The following AFG1L variants were observed in gnomAD, a reference collection of about 807,000 sequenced individuals.
AFG1L encodes the protein AFG1 like ATPase.
AFG1L carries 53 observed loss-of-function variants against 62.2 expected under a neutral mutation model. The observed-to-expected ratio is 0.85, with a 90% CI of 0.68 to 1.07. AFG1L has a LOEUF of 1.07. Ranked by LOEUF, AFG1L falls within the 50% of genes least tolerant of loss-of-function variation. The probability of loss-of-function intolerance (pLI) is 0.00; values close to 1 mark genes in which losing one functional copy is unlikely to be tolerated. For synonymous variants in AFG1L, 228 were observed against 210.3 expected, an observed-to-expected ratio of 1.08 and a Z score of -0.73; for missense variants, 555 against 590.5, an observed-to-expected ratio of 0.94 and a Z score of 0.62.
intron 8 of AFG1L, among the ~76,000 whole-genome samples, chr6:108,463,044 T>C (rs545200880): frequency 1.3e-5 from 2 of 152,204 alleles, no homozygotes; most frequent in Non-Finnish European, 2.9e-5. Context: ...AATCCAGCAC[T>C]GTGGGAGGCT....
At chr6:108,368,917 C>A (rs1034421751) in intron 6 of AFG1L, among the ~76,000 whole-genome samples, 17 of 152,078 alleles carry the variant, frequency 1.1e-4, no homozygotes, top group African/African-American at 4.1e-4. Context: ...CTGGAGCCAC[C>A]CTTCTGGAGA....
chr6:108,374,607 T>C (rs141724878), intron 6 of AFG1L, among the ~76,000 whole-genome samples: 96 of 152,350 alleles, frequency 6.3e-4, no homozygotes, highest in African/African-American at 2.3e-3. Flanking sequence ...CCATTGCTTA[T>C]TTTTGTCAAC....
intron 6 of AFG1L, among the ~76,000 whole-genome samples, chr6:108,390,125 T>G (rs1289208313): frequency 6.7e-6 from 1 of 150,284 alleles, no homozygotes; most frequent in Middle Eastern, 3.2e-3. Flanking sequence ...CATTTCAGCT[T>G]CATCACTGAT....
At position 108,295,173 on chromosome 6, in the gene AFG1L, G is replaced by T. The variant is rs1306063608; in HGVS notation, c.94G>T (p.Ala32Ser). ...TGTTGGGTGCGGGGCCTGGGCCGCC[G>T]CTCTCGCTCCTCTGGCCACCGCCCC... Reference protein sequence around the residue: ...RCVGCGAWAAALAPLATAPGK... With the variant: ...RCVGCGAWAASLAPLATAPGK... Residue 32 changes from alanine (A) to serine (S), a missense_variant, in exon 1 of 13, where the codon GCT (alanine) becomes TCT (serine). Physicochemically the swap from Ala to Ser is moderately conservative, Grantham distance 99 (BLOSUM62 1). Coordinates refer to ENST00000368977, the MANE Select transcript of AFG1L (RefSeq NM_145315.5). 3.7e-6 allele frequency: 6 copies of T among 1,607,682 alleles called. No homozygotes were observed. Among genetic ancestry groups the T allele is most frequent in the Non-Finnish European group, 8.5e-7 (1 of 1,179,812 alleles).
chr6:108,460,430 T>C (rs903405332), intron 8 of AFG1L, among the ~76,000 whole-genome samples: 1 of 152,204 alleles, frequency 6.6e-6, no homozygotes, highest in African/African-American at 2.4e-5. Flanking sequence ...TTTTATCCAG[T>C]GTGACAATCT....
intron 8 of AFG1L, among the ~76,000 whole-genome samples, chr6:108,464,689 G>A (rs1406194392): frequency 2.0e-5 from 3 of 152,046 alleles, no homozygotes; most frequent in African/African-American, 7.2e-5. Context: ...GGTTTTATCA[G>A]GGCATTGCAC....
At chr6:108,422,430 A>G (rs1417379109) in intron 7 of AFG1L, among the ~76,000 whole-genome samples, 2 of 141,174 alleles carry the variant, frequency 1.4e-5, no homozygotes, top group Non-Finnish European at 3.0e-5. Context: ...CAGTTGAATT[A>G]TGTTCACTTT....
chr6:108,432,941 C>T (rs1771139330), intron 7 of AFG1L, among the ~76,000 whole-genome samples: 2 of 152,184 alleles, frequency 1.3e-5, no homozygotes, highest in Admixed American at 1.3e-4. Flanking sequence ...CACACCTATG[C>T]CAGTTAGCTT....
At chr6:108,314,250 A>T (rs1777509803) in intron 1 of AFG1L, among the ~76,000 whole-genome samples, 2 of 152,106 alleles carry the variant, frequency 1.3e-5, no homozygotes, top group African/African-American at 4.8e-5. Flanking sequence ...AAAAAAAAAG[A>T]TAAGAAAATA....
At chr6:108,370,630 T>C (rs557355220) in intron 6 of AFG1L, among the ~76,000 whole-genome samples, 1 of 151,880 alleles carries the variant, frequency 6.6e-6, no homozygotes, top group Non-Finnish European at 1.5e-5. Context: ...AAGGATAGAT[T>C]TGAGAGAGAT....
intron 1 of AFG1L, among the ~76,000 whole-genome samples, chr6:108,311,921 G>C (rs1471014447): frequency 6.6e-6 from 1 of 151,898 alleles, no homozygotes; most frequent in African/African-American, 2.4e-5. Flanking sequence ...CTTGAGTAAA[G>C]TGGTACGATC....
rs559160991 is a variant in AFG1L at position 108,378,148 on chromosome 6, T to C, written c.748+11816T>C. On this transcript the variant is annotated intron_variant, in intron 6 of 12. Transcript: ENST00000368977. ...TAAAGCTTTCAATTTTATTTTGAAA[T>C]TCCTTAAGTGAGCTTTTTAATTCTA... 9.8e-4 allele frequency among the ~76,000 whole-genome samples: 149 copies of C among 151,892 alleles called. 1 individual carries two copies. The highest frequency in any genetic ancestry group is 3.5e-3 in the African/African-American group (145 of 41,460).
At chr6:108,299,614 C>G (rs141293242) in intron 1 of AFG1L, among the ~76,000 whole-genome samples, 321 of 152,120 alleles carry the variant, frequency 2.1e-3, no homozygotes, top group African/African-American at 7.5e-3. Flanking sequence ...TATTGGGAGC[C>G]ATGAGAATAG....
rs958773655 is a variant in AFG1L, at chr6:108,525,062, C to T, written c.*2637C>T. On this transcript the variant is annotated 3_prime_UTR_variant, in exon 13 of 13. Transcript: ENST00000368977. ...AATGCTTTAAATGTATACTTTGAGA[C>T]GGAGGTTTGAGCTGAGTACTGCTGT... is the stretch of plus-strand genomic sequence containing the variant. The T allele has an allele frequency of 4.6e-5, 7 of 152,092 alleles. No homozygotes were observed. Among genetic ancestry groups the T allele is most frequent in the South Asian group, 4.1e-4 (2 of 4,826 alleles). The allele number at this position is 152,092 out of a possible 1,614,324, so 9.4% of individuals were successfully genotyped here. A position where few individuals can be genotyped will look rare whatever the true frequency, so the allele number is the denominator to read the frequency against.
At chr6:108,369,183 G>A (rs529491374) in intron 6 of AFG1L, among the ~76,000 whole-genome samples, 15 of 152,268 alleles carry the variant, frequency 9.9e-5, no homozygotes, top group African/African-American at 3.4e-4. Flanking sequence ...AGGTAAAACT[G>A]TAAGACGAAG....
intron 3 of AFG1L, among the ~76,000 whole-genome samples, chr6:108,354,355 G>T (rs1312888380): frequency 6.6e-6 from 1 of 151,860 alleles, no homozygotes; most frequent in Non-Finnish European, 1.5e-5. Flanking sequence ...TGTCGCCCAG[G>T]CTGGAGTGCA....
chr6:108,518,909 C>T (rs959037778), intron 11 of AFG1L, among the ~76,000 whole-genome samples: 1 of 152,224 alleles, frequency 6.6e-6, no homozygotes, highest in Non-Finnish European at 1.5e-5. Flanking sequence ...GCGTAACTAA[C>T]CTCTTTACAG....
chr6:108,329,448 A>ATG, intron 2 of AFG1L, among the ~76,000 whole-genome samples: 1 of 151,848 alleles, frequency 6.6e-6, no homozygotes, highest in East Asian at 2.0e-4. Context: ...ACAGGCGCCC[A>ATG]CCACCACGCC....
At chr6:108,493,379 G>A (rs1773843303) in intron 10 of AFG1L, among the ~76,000 whole-genome samples, 2 of 152,192 alleles carry the variant, frequency 1.3e-5, no homozygotes, top group Non-Finnish European at 2.9e-5. Flanking sequence ...AACCAAAGCA[G>A]CAGCCTTGTT....
Sources: allele counts gnomAD v4.1 joint callset (sites outside exome capture counted in the v4.1 genomes callset), GRCh38; gene constraint gnomAD v4.1.1; transcripts MANE v1.5; gene names NCBI Gene and HGNC (gene_info 2026-07-23, HGNC 2026-07-21).